The following SETD7 variants were observed in gnomAD, a reference collection of about 807,000 sequenced individuals.
SETD7 encodes the protein histone-lysine N-methyltransferase SETD7.
A neutral mutation model predicts 41.8 loss-of-function variants in SETD7; 16 were observed. That is an observed-to-expected ratio of 0.38 (90% confidence interval 0.26 to 0.58). The LOEUF (loss-of-function observed/expected upper bound fraction) is 0.58. Among genes scored for constraint, SETD7 ranks in the 20% least tolerant of loss-of-function variants. The probability of loss-of-function intolerance (pLI) is 0.64; values close to 1 mark genes in which losing one functional copy is unlikely to be tolerated. For missense variants in SETD7, 346 were observed against 459.7 expected, an observed-to-expected ratio of 0.75 and a Z score of 2.26; for synonymous variants, 163 against 169.7, an observed-to-expected ratio of 0.96 and a Z score of 0.31.
chr4:139,495,008 CATTATAG>C (rs1726428120), downstream of SETD7, among the ~76,000 whole-genome samples: 2 of 152,164 alleles, frequency 1.3e-5, no homozygotes, highest in Non-Finnish European at 2.9e-5. Context: ...CAGAATATGA[CATTATAG>C]ATTTTAAGCA....
At chr4:139,544,089 G>A (rs931294930) in intron 2 of SETD7, among the ~76,000 whole-genome samples, 9 of 152,186 alleles carry the variant, frequency 5.9e-5, no homozygotes, top group African/African-American at 2.2e-4. Flanking sequence ...AGGAGTTTGA[G>A]ACCAGCCTGG....
chr4:139,511,276 T>C lies in SETD7; in HGVS notation c.*387A>G, dbSNP rs889716854. The C allele has an allele frequency of 4.0e-6, 1 of 250,906 alleles. No individual in the cohort carries two copies. Among genetic ancestry groups the C allele is most frequent in the African/African-American group, 2.4e-5 (1 of 42,456 alleles). The allele number at this position is 250,906 out of a possible 1,614,324, so 15.5% of individuals were successfully genotyped here. On this transcript the variant is annotated 3_prime_UTR_variant, in exon 8 of 8. Coordinates refer to ENST00000274031, the MANE Select transcript of SETD7 (RefSeq NM_030648.4). ...CATATGCAAGTGTGCTAACACAATT[T>C]GCACTGGCCATAGGAAAAAAGCACT... is the stretch of plus-strand genomic sequence containing the variant.
rs377582482 is a variant in SETD7 at position 139,523,369 on chromosome 4, G to T, written c.629C>A (p.Pro210His). The change falls in exon 5 of 8, where the codon CCT (proline) becomes CAT (histidine). Residue 210 changes from proline (P) to histidine (H), a missense_variant. Physicochemically the swap from Pro to His is moderately conservative, Grantham distance 77. Coordinates refer to ENST00000274031, the MANE Select transcript of SETD7 (RefSeq NM_030648.4). ...CISTNALLPD[P>H]YESERVYVAE... ...AGGAAATTACCTTTCTGATTCATAA[G>T]GATCTGGAAGAAGAGCATTGGTAGA... 3 of 1,611,846 alleles carry T rather than the reference G, an allele frequency of 1.9e-6. No homozygotes were observed. The South Asian group carries it at 3.3e-5, about 18-fold the overall frequency.
chr4:139,514,692 G>C (rs187400261), intron 7 of SETD7, among the ~76,000 whole-genome samples: 17 of 152,330 alleles, frequency 1.1e-4, no homozygotes, highest in African/African-American at 3.4e-4. Flanking sequence ...CCAGCCCGTA[G>C]TGAGTGGTCT....
Position 139,510,984 on chromosome 4 carries a change from C to T in SETD7, c.*679G>A, listed in dbSNP as rs1019371672. On this transcript the variant is annotated 3_prime_UTR_variant, in exon 8 of 8. Transcript: ENST00000274031. Reference sequence around the variant, plus strand: ...TATGAGCCAGTACTTTATATTAGGACATAATAATAAAATGATGATATAGAA... The same window carrying T: ...TATGAGCCAGTACTTTATATTAGGATATAATAATAAAATGATGATATAGAA... 1 of 152,490 alleles carries T rather than the reference C, an allele frequency of 6.6e-6. No individual in the cohort carries two copies. The highest frequency in any genetic ancestry group is 1.5e-5 in the Non-Finnish European group (1 of 68,028). 9.4% of individuals were successfully genotyped at this position (152,490 alleles called of 1,614,324 possible).
At chr4:139,496,278 T>A in exon 8 of SETD7, 1 of 616,966 alleles carries the variant, frequency 1.6e-6, no homozygotes, top group Non-Finnish European at 2.9e-6. Flanking sequence ...GATTTTGAGT[T>A]CTTGAGGGAA....
intron 2 of SETD7, among the ~76,000 whole-genome samples, chr4:139,546,110 C>T (rs1187387800): frequency 6.6e-5 from 10 of 152,164 alleles, no homozygotes; most frequent in Admixed American, 6.5e-4. Flanking sequence ...TCTCAGTGTC[C>T]TCAGACAGGG....
downstream of SETD7, among the ~76,000 whole-genome samples, chr4:139,493,686 T>C (rs184362592): frequency 6.6e-6 from 1 of 152,112 alleles, no homozygotes; most frequent in Admixed American, 6.5e-5. Flanking sequence ...ACTACAGGCA[T>C]GCACCACCAG....
At chr4:139,529,763 G>C (rs996863691) in intron 3 of SETD7, among the ~76,000 whole-genome samples, 76 of 152,320 alleles carry the variant, frequency 5.0e-4, no homozygotes, top group African/African-American at 1.7e-3. Context: ...CAAGTAAAGA[G>C]AGTTATCTGC....
At chr4:139,534,547 C>T (rs1417464610) in intron 2 of SETD7, among the ~76,000 whole-genome samples, 1 of 152,080 alleles carries the variant, frequency 6.6e-6, no homozygotes. Context: ...TGTCACCACA[C>T]CGGGTTAATT....
intron 6 of SETD7, among the ~76,000 whole-genome samples, chr4:139,519,760 C>T (rs1296691802): frequency 6.6e-6 from 1 of 152,332 alleles, no homozygotes; most frequent in Non-Finnish European, 1.5e-5. Context: ...GGGAAATTAA[C>T]TGTAAAGTGA....
chr4:139,541,417 G>T (rs976356021), intron 2 of SETD7, among the ~76,000 whole-genome samples: 1 of 152,110 alleles, frequency 6.6e-6, no homozygotes, highest in African/African-American at 2.4e-5. Flanking sequence ...AACACTACAC[G>T]TTTTCATCAC....
rs1046487026 is a variant in SETD7 at position 139,508,811 on chromosome 4, G to T, written c.*2852C>A. On this transcript the variant is annotated 3_prime_UTR_variant, in exon 8 of 8. Transcript: ENST00000274031. Reference sequence around the variant, plus strand: ...ATTCTGAGTATTCTTTTCCACTTGCGTTTAGGTTCAAACGGGAAACAAACC... The same window carrying T: ...ATTCTGAGTATTCTTTTCCACTTGCTTTTAGGTTCAAACGGGAAACAAACC... 2.0e-5 allele frequency: 3 copies of T among 152,162 alleles called. No homozygotes were observed. Among genetic ancestry groups the T allele is most frequent in the Non-Finnish European group, 4.4e-5 (3 of 68,044 alleles). The allele number at this position is 152,162 out of a possible 1,614,324, so 9.4% of individuals were successfully genotyped here. A position where few individuals can be genotyped will look rare whatever the true frequency, so the allele number is the denominator to read the frequency against.
Position 139,509,870 on chromosome 4 carries a change from G to A in SETD7, c.*1793C>T. 1 of 985,396 alleles carries A rather than the reference G, an allele frequency of 1.0e-6. No homozygotes were observed. The highest frequency in any genetic ancestry group is 1.2e-6 in the Non-Finnish European group (1 of 829,936). 61.0% of individuals were successfully genotyped at this position (985,396 alleles called of 1,614,324 possible). On this transcript the variant is annotated 3_prime_UTR_variant, in exon 8 of 8. Transcript: ENST00000274031. ...AACTTCCTCTCATGGGTGAACCATT[G>A]GCTTAAGCTTTCAAGCAGGGATCCA...
chr4:139,509,747 G>A lies in SETD7; in HGVS notation c.*1916C>T, dbSNP rs772711513. 18 of 985,276 alleles carry A rather than the reference G, an allele frequency of 1.8e-5. No homozygotes were observed. The highest frequency in any genetic ancestry group is 4.7e-5 in the South Asian group (1 of 21,284). The allele number at this position is 985,276 out of a possible 1,614,324, so 61.0% of individuals were successfully genotyped here. On this transcript the variant is annotated 3_prime_UTR_variant, in exon 8 of 8. Coordinates refer to ENST00000274031, the MANE Select transcript of SETD7 (RefSeq NM_030648.4). ...GCCCATCCGTCACAGTGTATAGAACGGTCTCTTTCTACAGAGTAAGAGTGA... is the reference window on the plus strand; with the variant it reads ...GCCCATCCGTCACAGTGTATAGAACAGTCTCTTTCTACAGAGTAAGAGTGA...
chr4:139,521,566 T>C (rs933058283), intron 5 of SETD7, among the ~76,000 whole-genome samples: 37 of 152,216 alleles, frequency 2.4e-4, no homozygotes, highest in Admixed American at 2.4e-3. Flanking sequence ...GGAAGACTGA[T>C]TTATTGCTTT....
intron 3 of SETD7, 104 bp from the exon 4 acceptor site, chr4:139,529,324 GTAGGGATAATAACAGTT>G: frequency 1.2e-6 from 1 of 854,462 alleles, no homozygotes; most frequent in Non-Finnish European, 1.8e-6. Flanking sequence ...TATAGCACCA[GTAGGGATAATAACAGTT>G]TAGGAACCCA....
chr4:139,526,267 C>T (rs1727327598), intron 4 of SETD7, among the ~76,000 whole-genome samples: 1 of 150,488 alleles, frequency 6.6e-6, no homozygotes, highest in South Asian at 2.1e-4. Flanking sequence ...AATTCTCACT[C>T]TCAACAATTT....
At chr4:139,553,932 G>A (rs1384335769) in intron 1 of SETD7, among the ~76,000 whole-genome samples, 1 of 152,142 alleles carries the variant, frequency 6.6e-6, no homozygotes, top group East Asian at 1.9e-4. Flanking sequence ...CACTAAAAAG[G>A]CCAAGAATGG....
Sources: allele counts gnomAD v4.1 joint callset (sites outside exome capture counted in the v4.1 genomes callset), GRCh38; gene constraint gnomAD v4.1.1; transcripts MANE v1.5; gene names NCBI Gene and HGNC (gene_info 2026-07-23, HGNC 2026-07-21).